ARHGAP31: variants seen among roughly 807,000 people sequenced by gnomAD.
The protein encoded by ARHGAP31 is rho GTPase-activating protein 31.
Under a neutral mutation model 113.9 loss-of-function variants are expected in ARHGAP31, and 34 were observed. The observed-to-expected ratio is 0.30, with a 90% CI of 0.23 to 0.40. The LOEUF (loss-of-function observed/expected upper bound fraction) is 0.40, where lower values mean the gene tolerates loss of function less well. Among genes scored for constraint, ARHGAP31 ranks in the 10% least tolerant of loss-of-function variants. The pLI, the probability that ARHGAP31 is intolerant of heterozygous loss-of-function variation, is 1.00. For missense variants in ARHGAP31, 1,548 were observed against 1,767.1 expected, an observed-to-expected ratio of 0.88 and a Z score of 2.22; for synonymous variants, 650 against 684.8, an observed-to-expected ratio of 0.95 and a Z score of 0.79.
chr3:119,343,844 G>A (rs74735214), intron 1 of ARHGAP31, among the ~76,000 whole-genome samples: 11,516 of 152,270 alleles, frequency 0.076, 434 homozygotes, highest in Non-Finnish European at 0.08. Context: ...TTAACCCAAT[G>A]GGAAGTTTGG....
At chr3:119,313,442 G>A (rs1032984286) in intron 1 of ARHGAP31, among the ~76,000 whole-genome samples, 4 of 152,066 alleles carry the variant, frequency 2.6e-5, no homozygotes, top group African/African-American at 7.2e-5. Flanking sequence ...TATGAGCCAC[G>A]TATCATTTTC....
intron 8 of ARHGAP31, 77 bp from the exon 9 acceptor site, chr3:119,399,122 T>G (rs2080577089): frequency 1.4e-6 from 2 of 1,382,480 alleles, no homozygotes; most frequent in African/African-American, 1.4e-5. Flanking sequence ...CTTGGGTACT[T>G]AAACAGCCTG....
intron 1 of ARHGAP31, among the ~76,000 whole-genome samples, chr3:119,317,015 C>T (rs1245624589): frequency 6.6e-6 from 1 of 152,194 alleles, no homozygotes; most frequent in Admixed American, 6.5e-5. Flanking sequence ...AGAAGCTTTC[C>T]TCTGGGCAGT....
chr3:119,333,531 T>C (rs779587511), intron 1 of ARHGAP31, among the ~76,000 whole-genome samples: 1 of 152,256 alleles, frequency 6.6e-6, no homozygotes, highest in Non-Finnish European at 1.5e-5. Context: ...TAAATGTTTA[T>C]TTTAGAAAGT....
rs1202905783 is a variant in ARHGAP31 at position 119,351,575 on chromosome 3, G to A, written c.101-13741G>A. Among the ~76,000 whole-genome samples, 5 of 151,788 alleles carry A rather than the reference G, an allele frequency of 3.3e-5. No homozygotes were observed. In the South Asian group the frequency reaches 1.0e-3, roughly 32 times the overall value. On this transcript the variant is annotated intron_variant, in intron 1 of 11. Transcript: ENST00000264245. Reference sequence around the variant, plus strand: ...TTAAGAATTAAATGAAATAATGATGGTTAATTCATCCCCATAAGCACCCAT... The same window carrying A: ...TTAAGAATTAAATGAAATAATGATGATTAATTCATCCCCATAAGCACCCAT...
intron 1 of ARHGAP31, among the ~76,000 whole-genome samples, chr3:119,357,552 C>T (rs1157892737): frequency 6.6e-6 from 1 of 152,186 alleles, no homozygotes; most frequent in East Asian, 1.9e-4. Context: ...TATTCCCTGT[C>T]TGTAGGAACT....
At chr3:119,367,050 C>T (rs573050629) in intron 2 of ARHGAP31, among the ~76,000 whole-genome samples, 17 of 151,434 alleles carry the variant, frequency 1.1e-4, no homozygotes, top group African/African-American at 2.2e-4. Context: ...TGCAGTGAGC[C>T]GAGATTGTGC....
chr3:119,337,517 T>G (rs953145622), intron 1 of ARHGAP31, among the ~76,000 whole-genome samples: 1 of 152,228 alleles, frequency 6.6e-6, no homozygotes, highest in African/African-American at 2.4e-5. Flanking sequence ...ACCCAAATGA[T>G]TTGCCACTGT....
chr3:119,414,706 C>A lies in ARHGAP31; in HGVS notation c.2777C>A (p.Ala926Glu), dbSNP rs771980065. Residue 926 changes from alanine to glutamate, a missense_variant, in exon 12 of 12, where the codon GCG becomes GAG. Physicochemically the swap from Ala to Glu is moderately radical, Grantham distance 107 (BLOSUM62 -1). Coordinates refer to ENST00000264245, the MANE Select transcript of ARHGAP31 (RefSeq NM_020754.4). ...CTTCACTCTCCCACCCTGAAAGACGCGCACAAGGCCCAGGTACAGGGCCTT... is the reference window on the plus strand; with the variant it reads ...CTTCACTCTCCCACCCTGAAAGACGAGCACAAGGCCCAGGTACAGGGCCTT... The part of the protein sequence containing the change: ...SPLHSPTLKD[A>E]HKAQVQGLQG... 6.2e-7 allele frequency: 1 copy of A among 1,614,162 alleles called. No individual in the cohort carries two copies. Among genetic ancestry groups the A allele is most frequent in the South Asian group, 1.1e-5 (1 of 91,082 alleles).
chr3:119,413,714 A>G, intron 11 of ARHGAP31, 142 bp from the exon 12 acceptor site: 1 of 1,129,032 alleles, frequency 8.9e-7, no homozygotes, highest in Admixed American at 1.9e-5. Flanking sequence ...TCAAATAGCC[A>G]CAGGTATTAT....
rs1010784829 is a variant in ARHGAP31 at position 119,383,183 on chromosome 3, T to A, written c.639T>A (p.Asp213Glu). Reference sequence around the variant, plus strand: ...TTGAGTTCATATTGAATCATGTAGATCAAATCTTTAACAACGGTGCACCTG... The same window carrying A: ...TTGAGTTCATATTGAATCATGTAGAACAAATCTTTAACAACGGTGCACCTG... ...VVIEFILNHV[D>E]QIFNNGAPGS... The change falls in exon 6 of 12, where the codon GAT (aspartate) becomes GAA (glutamate). Residue 213 changes from aspartate to glutamate, a missense_variant. Transcript: ENST00000264245. The A allele has an allele frequency of 6.2e-7, 1 of 1,614,160 alleles. No individual in the cohort carries two copies. Among genetic ancestry groups the A allele is most frequent in the Non-Finnish European group, 8.5e-7 (1 of 1,180,020 alleles).
chr3:119,297,779 T>G (rs551104850), intron 1 of ARHGAP31, among the ~76,000 whole-genome samples: 1 of 152,292 alleles, frequency 6.6e-6, no homozygotes, highest in Non-Finnish European at 1.5e-5. Flanking sequence ...TACTTTCAGC[T>G]GGACAAACCT....
At chr3:119,320,970 C>G (rs571514838) in intron 1 of ARHGAP31, among the ~76,000 whole-genome samples, 1 of 152,224 alleles carries the variant, frequency 6.6e-6, no homozygotes, top group African/African-American at 2.4e-5. Flanking sequence ...TGCAAAAGCT[C>G]TCTCTTCTCT....
intron 1 of ARHGAP31, among the ~76,000 whole-genome samples, chr3:119,347,232 C>T (rs9860092): frequency 0.1 from 15,232 of 152,216 alleles, 849 homozygotes; most frequent in African/African-American, 0.13. Flanking sequence ...GCTCTGCCTT[C>T]TTCCTGGCAC....
chr3:119,331,993 T>G (rs1419026238), intron 1 of ARHGAP31, among the ~76,000 whole-genome samples: 1 of 152,188 alleles, frequency 6.6e-6, no homozygotes, highest in East Asian at 1.9e-4. Flanking sequence ...CTCTGTCATT[T>G]CTGTCTTTGG....
chr3:119,412,047 C>T (rs1168783532), intron 11 of ARHGAP31, among the ~76,000 whole-genome samples: 2 of 152,182 alleles, frequency 1.3e-5, no homozygotes, highest in African/African-American at 2.4e-5. Context: ...GATGGAGATT[C>T]GTCCCCCGGC....
intron 3 of ARHGAP31, among the ~76,000 whole-genome samples, chr3:119,369,188 G>C (rs905828190): frequency 3.3e-5 from 5 of 152,200 alleles, no homozygotes; most frequent in African/African-American, 1.2e-4. Flanking sequence ...TAGAGATAGC[G>C]TGAAAAACAT....
intron 3 of ARHGAP31, among the ~76,000 whole-genome samples, chr3:119,376,984 A>AAGG (rs1282527341): frequency 3.9e-5 from 6 of 152,226 alleles, no homozygotes; most frequent in Non-Finnish European, 8.8e-5. Context: ...CCAGAGTGAA[A>AAGG]AGGAGCTGCC....
intron 1 of ARHGAP31, among the ~76,000 whole-genome samples, chr3:119,296,553 C>T (rs1394563362): frequency 2.6e-5 from 4 of 152,270 alleles, no homozygotes; most frequent in Admixed American, 1.3e-4. Flanking sequence ...TTTCACCATG[C>T]GGGTGTTATT....
Sources: allele counts gnomAD v4.1 joint callset (sites outside exome capture counted in the v4.1 genomes callset), GRCh38; gene constraint gnomAD v4.1.1; transcripts MANE v1.5; gene names NCBI Gene and HGNC (gene_info 2026-07-23, HGNC 2026-07-21).